Variants in RUNX1T1 observed in about 807,000 individuals in gnomAD.
RUNX1T1 encodes protein CBFA2T1.
Under a neutral mutation model 62.8 loss-of-function variants are expected in RUNX1T1, and 4 were observed. The ratio of observed to expected loss-of-function variants is 0.06; its 90% CI spans 0.03 to 0.15. The LOEUF (loss-of-function observed/expected upper bound fraction) is 0.15. Among genes scored for constraint, RUNX1T1 ranks in the 10% least tolerant of loss-of-function variants. RUNX1T1 has a pLI of 1.00. For missense variants in RUNX1T1, 508 were observed against 754.3 expected, an observed-to-expected ratio of 0.67 and a Z score of 3.82; for synonymous variants, 291 against 286.0, an observed-to-expected ratio of 1.02 and a Z score of -0.18.
chr8:91,958,649 AAAAG>A (rs985347862), downstream of RUNX1T1: 4 of 179,166 alleles, frequency 2.2e-5, no homozygotes, highest in African/African-American at 9.5e-5. Context: ...AAAAAAAAAA[AAAAG>A]AAAAATTCCA....
chr8:92,095,839 T>G (rs1837702889), intron 1 of RUNX1T1, among the ~76,000 whole-genome samples: 1 of 152,106 alleles, frequency 6.6e-6, no homozygotes, highest in Admixed American at 6.5e-5. Context: ...TCCAGCAAAC[T>G]GTATTTCCCT....
At chr8:92,069,400 C>T (rs1833346737) in intron 2 of RUNX1T1, among the ~76,000 whole-genome samples, 1 of 151,724 alleles carries the variant, frequency 6.6e-6, no homozygotes, top group Admixed American at 6.6e-5. Context: ...GGAGCAAATA[C>T]ACAGCAATAA....
chr8:92,068,941 G>A (rs1271475888), intron 2 of RUNX1T1, among the ~76,000 whole-genome samples: 1 of 152,056 alleles, frequency 6.6e-6, no homozygotes, highest in African/African-American at 2.4e-5. Flanking sequence ...TTTGGAGCCT[G>A]GGAATTCTAA....
chr8:91,990,466 A>C (rs1007868471), intron 6 of RUNX1T1, among the ~76,000 whole-genome samples: 2 of 152,172 alleles, frequency 1.3e-5, no homozygotes, highest in Non-Finnish European at 2.9e-5. Context: ...CTCATCACTA[A>C]TTAGGAATTG....
chr8:92,017,940 A>T (rs1823333233), intron 1 of RUNX1T1, among the ~76,000 whole-genome samples: 1 of 152,206 alleles, frequency 6.6e-6, no homozygotes, highest in Non-Finnish European at 1.5e-5. Context: ...ACATAGGTGA[A>T]ATGTGTTATA....
intron 1 of RUNX1T1, among the ~76,000 whole-genome samples, chr8:92,038,697 C>A (rs1827869400): frequency 6.6e-6 from 1 of 152,156 alleles, no homozygotes; most frequent in Admixed American, 6.5e-5. Flanking sequence ...CCAAACTCTG[C>A]TACTCTCCTC....
At chr8:91,997,303 C>G (rs1818895405) in intron 5 of RUNX1T1, among the ~76,000 whole-genome samples, 1 of 151,626 alleles carries the variant, frequency 6.6e-6, no homozygotes, top group African/African-American at 2.4e-5. Context: ...ATAAGTAGAA[C>G]AAGAGGACAA....
intron 5 of RUNX1T1, 54 bp downstream of exon 6, chr8:92,005,062 G>T (rs1367437303): frequency 1.4e-6 from 2 of 1,447,618 alleles, no homozygotes; most frequent in Non-Finnish European, 1.9e-6. Context: ...GTTTCCTCAT[G>T]CCACAGGTAT....
At chr8:92,025,719 A>T (rs147390935) in intron 1 of RUNX1T1, among the ~76,000 whole-genome samples, 2 of 152,384 alleles carry the variant, frequency 1.3e-5, no homozygotes, top group African/African-American at 2.4e-5. Flanking sequence ...CCCAGCACTT[A>T]GCAGTATCTG....
At chr8:92,049,712 T>C (rs535098448) in intron 1 of RUNX1T1, among the ~76,000 whole-genome samples, 23 of 152,198 alleles carry the variant, frequency 1.5e-4, no homozygotes, top group Non-Finnish European at 2.9e-4. Flanking sequence ...CAAAAAATTA[T>C]GCCTAACACA....
intron 3 of RUNX1T1, among the ~76,000 whole-genome samples, chr8:92,011,906 T>C (rs777329529): frequency 2.0e-5 from 3 of 152,182 alleles, no homozygotes; most frequent in Non-Finnish European, 4.4e-5. Context: ...TATAAAGGCA[T>C]TGAGTAAATT....
intron 1 of RUNX1T1, among the ~76,000 whole-genome samples, chr8:92,083,458 A>T: frequency 6.6e-6 from 1 of 152,338 alleles, no homozygotes; most frequent in African/African-American, 2.4e-5. Context: ...ACACTTCTCA[A>T]AATAAGACAT....
chr8:91,996,008 T>A (rs1563707216), intron 5 of RUNX1T1, among the ~76,000 whole-genome samples: 1 of 152,172 alleles, frequency 6.6e-6, no homozygotes, highest in Non-Finnish European at 1.5e-5. Context: ...TTTGCTCGGT[T>A]GAACTCCATA....
At chr8:92,026,429 T>C (rs1825154347) in intron 1 of RUNX1T1, among the ~76,000 whole-genome samples, 1 of 152,192 alleles carries the variant, frequency 6.6e-6, no homozygotes, top group Non-Finnish European at 1.5e-5. Context: ...TCAAAGTTCA[T>C]TATCCTCTAA....
chr8:92,080,733 C>A (rs1835123665), intron 1 of RUNX1T1, among the ~76,000 whole-genome samples: 1 of 152,218 alleles, frequency 6.6e-6, no homozygotes, highest in South Asian at 2.1e-4. Flanking sequence ...GTGCCTGGCA[C>A]ACAAAAGGTG....
chr8:91,975,874 C>A (rs199960653), intron 9 of RUNX1T1, 31 bp downstream of exon 10: 3 of 1,493,198 alleles, frequency 2.0e-6, no homozygotes, highest in Non-Finnish European at 2.8e-6. Context: ...GCTGCCAGAA[C>A]ACGAAACTCA....
intron 1 of RUNX1T1, among the ~76,000 whole-genome samples, chr8:92,062,098 A>G (rs994406401): frequency 1.4e-4 from 22 of 152,280 alleles, no homozygotes; most frequent in African/African-American, 4.3e-4. Context: ...AGCTTCCTTC[A>G]CTTTCTCTGA....
intron 1 of RUNX1T1, among the ~76,000 whole-genome samples, chr8:92,040,243 G>A (rs1436492597): frequency 1.3e-5 from 2 of 152,152 alleles, no homozygotes; most frequent in Admixed American, 1.3e-4. Flanking sequence ...CATATTCAGA[G>A]CAAAGAGTTG....
intron 8 of RUNX1T1, among the ~76,000 whole-genome samples, chr8:91,980,474 C>T (rs530296111): frequency 2.0e-5 from 3 of 152,226 alleles, no homozygotes; most frequent in Admixed American, 1.3e-4. Context: ...AAAGGTACAA[C>T]AGATTTACTA....
Sources: allele counts gnomAD v4.1 joint callset (sites outside exome capture counted in the v4.1 genomes callset), GRCh38; gene constraint gnomAD v4.1.1; transcripts MANE v1.5; gene names NCBI Gene and HGNC (gene_info 2026-07-23, HGNC 2026-07-21).